The following ANO3 variants were observed in gnomAD, a reference collection of about 807,000 sequenced individuals.
ANO3 encodes anoctamin 3.
In ANO3, 99 loss-of-function variants were observed where a neutral mutation model predicts 144.8. The observed-to-expected ratio is 0.68, with a 90% CI of 0.58 to 0.81. The LOEUF (loss-of-function observed/expected upper bound fraction) is 0.81, where lower values mean the gene tolerates loss of function less well. Among genes scored for constraint, ANO3 ranks in the 30% least tolerant of loss-of-function variants. The pLI, the probability that ANO3 is intolerant of heterozygous loss-of-function variation, is 0.00. For missense variants in ANO3, 905 were observed against 1,202.2 expected, an observed-to-expected ratio of 0.75 and a Z score of 3.66; for synonymous variants, 414 against 392.6, an observed-to-expected ratio of 1.05 and a Z score of -0.64.
intron 4 of ANO3, among the ~76,000 whole-genome samples, chr11:26,507,162 C>A (rs1861466963): frequency 6.6e-6 from 1 of 152,034 alleles, no homozygotes; most frequent in East Asian, 1.9e-4. Flanking sequence ...GAAAAGCCCC[C>A]CTAAGAGGAC....
rs1239116903 is a variant in ANO3, at chr11:26,448,081, C to A, written c.313+4245C>A. Among the ~76,000 whole-genome samples, 3 of 152,226 alleles carry A rather than the reference C, an allele frequency of 2.0e-5. No individual in the cohort carries two copies. The East Asian group carries it at 5.8e-4, about 29-fold the overall frequency. ...TTGGGAGGCTGAGGCAGGTGGATCACCTGAGGTCGGGAGTTCGAGACCAGC... is the reference window on the plus strand; with the variant it reads ...TTGGGAGGCTGAGGCAGGTGGATCAACTGAGGTCGGGAGTTCGAGACCAGC... On this transcript the variant is annotated intron_variant, in intron 3 of 26. Transcript: ENST00000256737.
At chr11:26,594,977 G>C (rs926061541) in intron 14 of ANO3, among the ~76,000 whole-genome samples, 1 of 152,092 alleles carries the variant, frequency 6.6e-6, no homozygotes, top group Non-Finnish European at 1.5e-5. Context: ...TAGCGTATGA[G>C]GGTCAAATTG....
At chr11:26,299,826 C>T (rs1854183712) in intron 1 of ANO3, among the ~76,000 whole-genome samples, 1 of 152,038 alleles carries the variant, frequency 6.6e-6, no homozygotes, top group Non-Finnish European at 1.5e-5. Flanking sequence ...GACTATCAGT[C>T]AGGAAGGCAG....
At chr11:26,585,606 G>A (rs972844535) in intron 14 of ANO3, among the ~76,000 whole-genome samples, 6 of 151,854 alleles carry the variant, frequency 4.0e-5, no homozygotes, top group Non-Finnish European at 7.4e-5. Context: ...CCTATCTCCA[G>A]GATACTTCTT....
At chr11:26,610,306 G>A (rs569093771) in intron 17 of ANO3, among the ~76,000 whole-genome samples, 1 of 98,032 alleles carries the variant, frequency 1.0e-5, no homozygotes, top group East Asian at 2.7e-4. Flanking sequence ...GGGATGTTGA[G>A]CATTTTTTTT....
At chr11:26,502,618 G>T (rs1554962633) in intron 4 of ANO3, among the ~76,000 whole-genome samples, 1 of 151,924 alleles carries the variant, frequency 6.6e-6, no homozygotes, top group Non-Finnish European at 1.5e-5. Context: ...CGTGTCTGTT[G>T]GTACCTATCA....
chr11:26,238,552 C>A (rs999738530), intron 1 of ANO3, among the ~76,000 whole-genome samples: 1 of 151,708 alleles, frequency 6.6e-6, no homozygotes, highest in Non-Finnish European at 1.5e-5. Flanking sequence ...TTTATCTATT[C>A]ATTCTGTTTG....
chr11:26,311,945 A>G (rs575735975), intron 1 of ANO3, among the ~76,000 whole-genome samples: 1 of 152,204 alleles, frequency 6.6e-6, no homozygotes, highest in African/African-American at 2.4e-5. Flanking sequence ...GGTGTGCTGC[A>G]CCCATTAACT....
intron 1 of ANO3, among the ~76,000 whole-genome samples, chr11:26,260,264 C>G (rs1853156874): frequency 6.6e-6 from 1 of 152,144 alleles, no homozygotes; most frequent in Admixed American, 6.5e-5. Flanking sequence ...CTTTTCCCAA[C>G]AGACACCAGA....
chr11:26,264,802 C>A (rs1172430660), intron 1 of ANO3, among the ~76,000 whole-genome samples: 14 of 151,928 alleles, frequency 9.2e-5, no homozygotes, highest in African/African-American at 3.4e-4. Flanking sequence ...TTATATAAGA[C>A]AATAGTCATA....
At chr11:26,230,796 CCAAAAAAAAAAAAAAAAAAAAAAAAA>C (rs368945352) in intron 1 of ANO3, among the ~76,000 whole-genome samples, 40,592 of 79,386 alleles carry the variant, frequency 0.51, 7,182 homozygotes, top group South Asian at 0.55. Flanking sequence ...GACTCCATCT[CCAAAAAAAAAAAAAAAAAAAAAAAAA>C]AAAAAAAAAA....
chr11:26,478,182 C>G (rs1018045473), intron 4 of ANO3, among the ~76,000 whole-genome samples: 10 of 152,106 alleles, frequency 6.6e-5, no homozygotes, highest in Non-Finnish European at 1.3e-4. Flanking sequence ...TTCCCTGGGC[C>G]AGCAGATCTA....
In ANO3 at chr11:26,644,347, C is replaced by T. The variant is rs184126944; in HGVS notation, c.2428+1013C>T. ...ACAAATTTCTATGATATGTATATGA[C>T]ATTTTTTAAAAATACTACTTTAGCC... On this transcript the variant is annotated intron_variant, in intron 23 of 26. Transcript: ENST00000256737. 2.2e-4 allele frequency among the ~76,000 whole-genome samples: 33 copies of T among 152,260 alleles called. No individual in the cohort carries two copies. The East Asian group carries it at 5.0e-3, about 23-fold the overall frequency.
intron 14 of ANO3, among the ~76,000 whole-genome samples, chr11:26,568,492 CT>C (rs1462883302): frequency 2.6e-5 from 4 of 151,346 alleles, no homozygotes; most frequent in African/African-American, 9.7e-5. Flanking sequence ...TTAATACAGC[CT>C]CTCCAAATTT....
At chr11:26,563,474 T>C (rs931275647) in intron 14 of ANO3, among the ~76,000 whole-genome samples, 3 of 151,424 alleles carry the variant, frequency 2.0e-5, no homozygotes, top group Non-Finnish European at 4.4e-5. Context: ...AACGTATTTG[T>C]TGATAAAACC....
chr11:26,410,825 C>T (rs1396565273), intron 1 of ANO3, among the ~76,000 whole-genome samples: 1 of 151,984 alleles, frequency 6.6e-6, no homozygotes. Context: ...AGAGGAATGA[C>T]ATGCCATCCA....
chr11:26,372,582 T>C (rs1856291908), intron 1 of ANO3, among the ~76,000 whole-genome samples: 1 of 152,242 alleles, frequency 6.6e-6, no homozygotes, highest in African/African-American at 2.4e-5. Context: ...TTTTATACTA[T>C]CTCAATTATT....
intron 14 of ANO3, among the ~76,000 whole-genome samples, chr11:26,570,764 G>A (rs1000110379): frequency 2.0e-5 from 3 of 152,076 alleles, no homozygotes; most frequent in Non-Finnish European, 4.4e-5. Flanking sequence ...TAACATCTCA[G>A]GAAGAACTTG....
intron 1 of ANO3, among the ~76,000 whole-genome samples, chr11:26,273,413 C>T (rs1417130580): frequency 6.6e-6 from 1 of 151,582 alleles, no homozygotes; most frequent in South Asian, 2.1e-4. Flanking sequence ...AAAGAATTGT[C>T]AATGCCATGA....
Sources: allele counts gnomAD v4.1 joint callset (sites outside exome capture counted in the v4.1 genomes callset), GRCh38; gene constraint gnomAD v4.1.1; transcripts MANE v1.5; gene names NCBI Gene and HGNC (gene_info 2026-07-23, HGNC 2026-07-21).